Variants in IAPP observed in about 807,000 individuals in gnomAD.
IAPP encodes islet amyloid polypeptide.
Under a neutral mutation model 2.9 loss-of-function variants are expected in IAPP, and 4 were observed. The observed-to-expected ratio is 1.39, with a 90% CI of 0.69 to 3.19. The LOEUF is 3.19. IAPP is among the 30% of genes most tolerant of loss of function. The probability of loss-of-function intolerance (pLI) is 0.01; values close to 1 mark genes in which losing one functional copy is unlikely to be tolerated. For missense variants in IAPP, 114 were observed against 105.3 expected (o/e 1.08, Z -0.36); for synonymous variants, 40 against 42.1 (o/e 0.95, Z 0.19).
chr12:21,367,357 G>C (rs1250024987), intron 1 of IAPP, among the ~76,000 whole-genome samples: 1 of 152,112 alleles, frequency 6.6e-6, no homozygotes, highest in East Asian at 1.9e-4. Context: ...AGAATGATGG[G>C]AGTATTTCTC....
intron 2 of IAPP, among the ~76,000 whole-genome samples, chr12:21,376,923 T>G: frequency 6.6e-6 from 1 of 152,150 alleles, no homozygotes; most frequent in Non-Finnish European, 1.5e-5. Flanking sequence ...TTTCTCTAAC[T>G]TTCCTAATAA....
chr12:21,373,552 C>A lies in IAPP; in HGVS notation c.80+121C>A, dbSNP rs757306316. ...GACTATATCATACTTAAGAACAGTA[C>A]CTTCAGCTATTCCATTGTTCCTTGA... On this transcript the variant is annotated intron_variant, in intron 2 of 2. Transcript: ENST00000240652. 22 of 738,440 alleles carry A rather than the reference C, an allele frequency of 3.0e-5. No individual in the cohort carries two copies. In the Admixed American group the frequency reaches 3.7e-4, roughly 12 times the overall value. The allele number at this position is 738,440 out of a possible 1,614,324, so 45.7% of individuals were successfully genotyped here. A position where few individuals can be genotyped will look rare whatever the true frequency, so the allele number is the denominator to read the frequency against.
At chr12:21,365,182 C>T (rs1939273478) in intron 1 of IAPP, among the ~76,000 whole-genome samples, 1 of 152,202 alleles carries the variant, frequency 6.6e-6, no homozygotes. Context: ...CAGCATGGTA[C>T]TGGTACCAAA....
chr12:21,372,129 T>A (rs555361963), upstream of IAPP, among the ~76,000 whole-genome samples: 7 of 152,296 alleles, frequency 4.6e-5, no homozygotes, highest in African/African-American at 1.7e-4. Context: ...AGCTAAGCCA[T>A]TCATAATGTT....
chr12:21,377,418 A>C (rs546815165), intron 2 of IAPP, among the ~76,000 whole-genome samples: 1 of 152,192 alleles, frequency 6.6e-6, no homozygotes, highest in Non-Finnish European at 1.5e-5. Flanking sequence ...TTTAAGAACA[A>C]AGCATGATAT....
intron 1 of IAPP, among the ~76,000 whole-genome samples, chr12:21,367,511 AT>A (rs972465957): frequency 1.3e-3 from 198 of 152,216 alleles, no homozygotes; most frequent in African/African-American, 4.6e-3. Context: ...TAAGAAGGAA[AT>A]ATTATCATAT....
Position 21,378,550 on chromosome 12 carries a change from T to C in IAPP, c.*124T>C. On this transcript the variant is annotated 3_prime_UTR_variant, in exon 3 of 3. Transcript: ENST00000240652. Reference sequence around the variant, plus strand: ...GTGTCTGATGTTTGTTGCTAGGACATATACCTTCTCAAAAGATTGTTTTAT... The same window carrying C: ...GTGTCTGATGTTTGTTGCTAGGACACATACCTTCTCAAAAGATTGTTTTAT... 2 of 773,746 alleles carry C rather than the reference T, an allele frequency of 2.6e-6. No individual in the cohort carries two copies. Among genetic ancestry groups the C allele is most frequent in the South Asian group, 3.1e-5 (2 of 65,118 alleles). The allele number at this position is 773,746 out of a possible 1,614,324, so 47.9% of individuals were successfully genotyped here.
chr12:21,373,309 G>A, intron 1 of IAPP, 28 bp from the exon 2 acceptor site: 1 of 1,293,500 alleles, frequency 7.7e-7, no homozygotes, highest in Non-Finnish European at 1.1e-6. Flanking sequence ...GAAATCTCTT[G>A]ATTTCAGTGC....
At chr12:21,373,053 C>T in intron 1 of IAPP, 49 bp downstream of exon 1, 2 of 354,904 alleles carry the variant, frequency 5.6e-6, no homozygotes, top group South Asian at 3.8e-5. Context: ...TAGAGAAATG[C>T]ACACTTGGTG....
chr12:21,371,295 G>C (rs537958319), upstream of IAPP, among the ~76,000 whole-genome samples: 3 of 152,052 alleles, frequency 2.0e-5, no homozygotes, highest in Non-Finnish European at 4.4e-5. Flanking sequence ...ATTTGGTCTG[G>C]TGTTCAAGCC....
chr12:21,370,090 T>C (rs376398937), upstream of IAPP, among the ~76,000 whole-genome samples: 1 of 152,182 alleles, frequency 6.6e-6, no homozygotes, highest in South Asian at 2.1e-4. Context: ...TAGATCATTT[T>C]TAACAAAAAA....
intron 2 of IAPP, 51 bp downstream of exon 2, chr12:21,373,482 A>T: frequency 8.0e-7 from 1 of 1,246,618 alleles, no homozygotes; most frequent in African/African-American, 1.5e-5. Flanking sequence ...AAGTGTGAGA[A>T]AATTAGAATT....
chr12:21,360,135 G>T (rs1035201956), intron 1 of IAPP, among the ~76,000 whole-genome samples: 2 of 152,100 alleles, frequency 1.3e-5, no homozygotes, highest in Admixed American at 6.5e-5. Flanking sequence ...CTGAGGAGTG[G>T]GTTGGGGAGT....
chr12:21,372,538 C>T (rs1939876313), upstream of IAPP, among the ~76,000 whole-genome samples: 1 of 152,140 alleles, frequency 6.6e-6, no homozygotes, highest in African/African-American at 2.4e-5. Context: ...TTTAGATATA[C>T]CAAAAGTCTG....
chr12:21,366,675 G>A (rs1939414212), intron 1 of IAPP, among the ~76,000 whole-genome samples: 2 of 152,002 alleles, frequency 1.3e-5, no homozygotes, highest in African/African-American at 2.4e-5. Flanking sequence ...GCTGTAAATA[G>A]CATCCTCAGA....
upstream of IAPP, among the ~76,000 whole-genome samples, chr12:21,368,465 G>A (rs955728797): frequency 1.5e-5 from 2 of 134,548 alleles, no homozygotes; most frequent in African/African-American, 5.8e-5. Context: ...CAACAAACCA[G>A]TTAAATTTTT....
chr12:21,368,470 A>AT (rs35001636), upstream of IAPP, among the ~76,000 whole-genome samples: 81 of 148,760 alleles, frequency 5.4e-4, 1 homozygote, highest in Middle Eastern at 3.5e-3. Context: ...AACCAGTTAA[A>AT]TTTTTTTTTT....
rs556428178 is a variant in IAPP, at chr12:21,378,234, C to T, written c.81-3C>T. 5.0e-6 allele frequency: 8 copies of T among 1,613,816 alleles called. No individual in the cohort carries two copies. In the South Asian group the frequency reaches 8.8e-5, roughly 18 times the overall value. ...ACTTTTCACATTTGTTCCATGTTAC[C>T]AGTCATCAGGTGGAAAAGCGGAAAT... On this transcript the variant is annotated splice_region_variant and splice_polypyrimidine_tract_variant and intron_variant, in intron 2 of 2. Coordinates refer to ENST00000240652, the MANE Select transcript of IAPP (RefSeq NM_000415.3).
intron 1 of IAPP, among the ~76,000 whole-genome samples, chr12:21,358,756 CT>C (rs34822370): frequency 0.32 from 49,175 of 151,734 alleles, 8,278 homozygotes; most frequent in East Asian, 0.46. Flanking sequence ...GTTGGAGATA[CT>C]TTTAAAATAT....
Sources: gnomAD v4.1 joint callset for allele counts (sites outside exome capture counted in the v4.1 genomes callset) on GRCh38, gnomAD v4.1.1 for gene constraint, MANE v1.5 for transcripts, NCBI Gene and HGNC (gene_info 2026-07-23, HGNC 2026-07-21) for gene names.